MYH9: variants seen among roughly 807,000 people sequenced by gnomAD.
MYH9 encodes the protein myosin-9.
Under a neutral mutation model 241.9 loss-of-function variants are expected in MYH9, and 29 were observed. The observed-to-expected ratio is 0.12, with a 90% CI of 0.09 to 0.16. MYH9 has a LOEUF of 0.16. MYH9 is among the 10% of genes least tolerant of loss of function. The pLI, the probability that MYH9 is intolerant of heterozygous loss-of-function variation, is 1.00. For synonymous variants in MYH9, 1,047 were observed against 1,062.6 expected (o/e 0.99, Z 0.29); for missense variants, 1,803 against 2,595.5 (o/e 0.69, Z 6.63).
Position 36,326,671 on chromosome 22 carries a change from G to A in MYH9, c.519-10C>T, listed in dbSNP as rs1277807335. On this transcript the variant is annotated splice_polypyrimidine_tract_variant and intron_variant, in intron 4 of 40. Coordinates refer to ENST00000216181, the MANE Select transcript of MYH9 (RefSeq NM_002473.6). Reference sequence around the variant, plus strand: ...AGCTCCAGATTCACCACTACCAAGAGAGGCAAGGAAGTCCCGGGCTTAGGC... The same window carrying A: ...AGCTCCAGATTCACCACTACCAAGAAAGGCAAGGAAGTCCCGGGCTTAGGC... 3 of 1,612,994 alleles carry A rather than the reference G, an allele frequency of 1.9e-6. No individual in the cohort carries two copies. Among genetic ancestry groups the A allele is most frequent in the African/African-American group, 2.7e-5 (2 of 74,914 alleles).
rs561715728 is a variant in MYH9, at chr22:36,282,542, C to T, written c.*126G>A. 2.5e-4 allele frequency: 230 copies of T among 909,538 alleles called. 1 individual carries two copies. The highest frequency in any genetic ancestry group is 1.1e-3 in the Middle Eastern group (5 of 4,428). The allele number at this position is 909,538 out of a possible 1,614,324, so 56.3% of individuals were successfully genotyped here. On this transcript the variant is annotated 3_prime_UTR_variant, in exon 41 of 41. Coordinates refer to ENST00000216181, the MANE Select transcript of MYH9 (RefSeq NM_002473.6). ...AGGGAAACGGGATGGGGGGACGGGG[C>T]GGAGGGCAGGAGGAGGCATGTTCAC... is the stretch of plus-strand genomic sequence containing the variant.
intron 14 of MYH9, among the ~76,000 whole-genome samples, chr22:36,309,833 T>G (rs2017031615): frequency 6.6e-6 from 1 of 152,270 alleles, no homozygotes; most frequent in Admixed American, 6.5e-5. Context: ...TCTCTGAGTA[T>G]GTGTCAGTTT....
At chr22:36,335,428 C>T (rs1225931328) in intron 3 of MYH9, among the ~76,000 whole-genome samples, 4 of 152,234 alleles carry the variant, frequency 2.6e-5, no homozygotes, top group Non-Finnish European at 5.9e-5. Context: ...GGCGGCCTCC[C>T]GGCTGGGTGC....
In MYH9 at chr22:36,354,956, AACACACACACACACACAC is replaced by A. The variant is rs136203; in HGVS notation, c.-19-5719_-19-5702del. 5.0e-4 allele frequency among the ~76,000 whole-genome samples: 62 copies of A among 123,708 alleles called. 1 individual carries two copies. In the South Asian group the frequency reaches 0.014, roughly 28 times the overall value. The allele number at this position is 123,708 out of a possible 152,430, so 81.2% of individuals were successfully genotyped here. ...AAAAAAACAAAAAAACAAAAAACAA[AACACACACACACACACAC>A]ACACACACACACACACACACACACA... On this transcript the variant is annotated intron_variant, in intron 1 of 40. Coordinates refer to ENST00000216181, the MANE Select transcript of MYH9 (RefSeq NM_002473.6).
chr22:36,308,945 C>T (rs2017015211), intron 15 of MYH9: 1 of 833,354 alleles, frequency 1.2e-6, no homozygotes, highest in Non-Finnish European at 1.4e-6. Context: ...AAAAGAACCA[C>T]TCAAAGCAAC....
At chr22:36,297,606 C>G (rs1052480041) in intron 24 of MYH9, among the ~76,000 whole-genome samples, 1 of 152,210 alleles carries the variant, frequency 6.6e-6, no homozygotes, top group Non-Finnish European at 1.5e-5. Flanking sequence ...CACCCCATCA[C>G]GTGATCTTGA....
chr22:36,352,683 A>G (rs61505715), intron 1 of MYH9, among the ~76,000 whole-genome samples: 5,922 of 152,276 alleles, frequency 0.039, 344 homozygotes, highest in African/African-American at 0.13. Context: ...GTCCACTTGA[A>G]GACTAGCAGA....
At position 36,296,313 on chromosome 22, in the gene MYH9, C is replaced by A. The variant is rs188431359; in HGVS notation, c.3272+530G>T. On this transcript the variant is annotated intron_variant, in intron 25 of 40. Coordinates refer to ENST00000216181, the MANE Select transcript of MYH9 (RefSeq NM_002473.6). ...GCAATGGCACGATCTTGGCTGACTG[C>A]AACCTCTGCCTCCTGGGTTCAAGTG... Among the ~76,000 whole-genome samples the A allele has an allele frequency of 5.6e-3, 855 of 152,290 alleles. 9 individuals carry two copies. The highest frequency in any genetic ancestry group is 6.7e-3 in the Non-Finnish European group (456 of 68,022).
rs368980404 is a variant in MYH9 at position 36,298,906 on chromosome 22, G to A, written c.3100+13C>T. 2.7e-5 allele frequency: 43 copies of A among 1,613,184 alleles called. No individual in the cohort carries two copies. Among genetic ancestry groups the A allele is most frequent in the Admixed American group, 2.5e-4 (15 of 59,998 alleles). On this transcript the variant is annotated intron_variant, in intron 24 of 40. Transcript: ENST00000216181. ...AGCCCCTGCCCATCACCTCCTGCTC[G>A]TCACCCCCTCACCTTCCAAGTCAGT... is the stretch of plus-strand genomic sequence containing the variant.
chr22:36,286,702 T>G lies in MYH9; in HGVS notation c.5061+16A>C. 1 of 1,611,124 alleles carries G rather than the reference T, an allele frequency of 6.2e-7. No individual in the cohort carries two copies. The highest frequency in any genetic ancestry group is 2.2e-5 in the East Asian group (1 of 44,878). The stretch of plus-strand genomic sequence containing the variant: ...CGCAGGGCAGCGGTGCCGCTCTCCA[T>G]TGCAGCCCCACCCACCTCCTGCAAC... On this transcript the variant is annotated intron_variant, in intron 35 of 40. Transcript: ENST00000216181.
chr22:36,303,601 T>C (rs1020578612), intron 19 of MYH9, among the ~76,000 whole-genome samples: 1 of 151,452 alleles, frequency 6.6e-6, no homozygotes, highest in Non-Finnish European at 1.5e-5. Context: ...TGGGCAACAA[T>C]GACGAAACCC....
At chr22:36,337,750 C>A (rs146032929) in intron 3 of MYH9, among the ~76,000 whole-genome samples, 83 of 152,300 alleles carry the variant, frequency 5.4e-4, no homozygotes, top group African/African-American at 2.0e-3. Flanking sequence ...GGGCAGCATG[C>A]ACTAAGACTT....
intron 7 of MYH9, 149 bp from the exon 8 acceptor site, chr22:36,321,045 TG>T: frequency 1.6e-6 from 1 of 632,646 alleles, no homozygotes; most frequent in East Asian, 3.2e-5. Context: ...CTCCACCTCC[TG>T]GATTCAAGCG....
chr22:36,325,626 C>A (rs1161030629), intron 5 of MYH9, among the ~76,000 whole-genome samples: 1 of 152,236 alleles, frequency 6.6e-6, no homozygotes, highest in Non-Finnish European at 1.5e-5. Context: ...GGGCAGCCGG[C>A]CATCTGCATC....
chr22:36,360,307 G>A (rs2051969133), intron 1 of MYH9, among the ~76,000 whole-genome samples: 1 of 152,124 alleles, frequency 6.6e-6, no homozygotes, highest in South Asian at 2.1e-4. Context: ...ACAGCAATTT[G>A]CAGAGGGAAG....
rs897134830 is a variant in MYH9 at position 36,306,182 on chromosome 22, A to G, written c.2038-131T>C. 8 of 1,478,280 alleles carry G rather than the reference A, an allele frequency of 5.4e-6. No homozygotes were observed. The highest frequency in any genetic ancestry group is 3.4e-4 in the Middle Eastern group (2 of 5,864). The allele number at this position is 1,478,280 out of a possible 1,614,324, so 91.6% of individuals were successfully genotyped here. A position where few individuals can be genotyped will look rare whatever the true frequency, so the allele number is the denominator to read the frequency against. Reference sequence around the variant, plus strand: ...GGGTCGCTACAGCCCACAGGTTTGGACAATGAAGTCAAAGGATCCAGGTCT... The same window carrying G: ...GGGTCGCTACAGCCCACAGGTTTGGGCAATGAAGTCAAAGGATCCAGGTCT... On this transcript the variant is annotated intron_variant, in intron 16 of 40. Transcript: ENST00000216181. This position sits in a 1 kb window ranked among gnomAD's most constrained non-coding sequence, Gnocchi z 4.1.
intron 1 of MYH9, among the ~76,000 whole-genome samples, chr22:36,377,519 C>G (rs2018187467): frequency 6.6e-6 from 1 of 152,182 alleles, no homozygotes; most frequent in Non-Finnish European, 1.5e-5. Context: ...ACCTCAGCAT[C>G]AATGCCGGGG....
At position 36,348,991 on chromosome 22, in the gene MYH9, C is replaced by G; in HGVS notation, c.246G>C (p.Lys82Asn). The G allele has an allele frequency of 6.2e-7, 1 of 1,614,264 alleles. No individual in the cohort carries two copies. The highest frequency in any genetic ancestry group is 8.5e-7 in the Non-Finnish European group (1 of 1,180,052). Reference protein sequence around the residue: ...IQKMNPPKFSKVEDMAELTCL... With the variant: ...IQKMNPPKFSNVEDMAELTCL... ...ACGTGAGCTCTGCCATGTCCTCCACCTTGGAGAACTTGGGCGGGTTCATCT... is the reference window on the plus strand; with the variant it reads ...ACGTGAGCTCTGCCATGTCCTCCACGTTGGAGAACTTGGGCGGGTTCATCT... The change falls in exon 2 of 41, where the codon AAG becomes AAC. Residue 82 changes from lysine (K) to asparagine (N), a missense_variant. Coordinates refer to ENST00000216181, the MANE Select transcript of MYH9 (RefSeq NM_002473.6).
At chr22:36,321,485 C>T (rs1280869166) in intron 7 of MYH9, among the ~76,000 whole-genome samples, 2 of 152,202 alleles carry the variant, frequency 1.3e-5, no homozygotes, top group African/African-American at 4.8e-5. Flanking sequence ...GTGGCATCCC[C>T]CAAACGCCTA....
Sources: allele counts gnomAD v4.1 joint callset (sites outside exome capture counted in the v4.1 genomes callset), GRCh38; gene constraint gnomAD v4.1.1; non-coding constraint Gnocchi (gnomAD v3.1); transcripts MANE v1.5; gene names NCBI Gene and HGNC (gene_info 2026-07-23, HGNC 2026-07-21).